Variants in FHIT observed in about 807,000 individuals in gnomAD.
FHIT encodes the protein fragile histidine triad diadenosine triphosphatase, also known as bis(5'-adenosyl)-triphosphatase.
FHIT carries 19 observed loss-of-function variants against 17.9 expected under a neutral mutation model. That is an observed-to-expected ratio of 1.06 (90% CI 0.74 to 1.56). The LOEUF (loss-of-function observed/expected upper bound fraction) is 1.56, where lower values mean the gene tolerates loss of function less well. FHIT is among the 40% of genes most tolerant of loss of function. FHIT has a pLI of 0.00. For synonymous variants in FHIT, 81 were observed against 69.7 expected (o/e 1.16, Z -0.81); for missense variants, 248 against 189.2 (o/e 1.31, Z -1.82).
chr3:61,241,906 A>G (rs2040382212), intron 1 of FHIT, among the ~76,000 whole-genome samples: 1 of 152,164 alleles, frequency 6.6e-6, no homozygotes, highest in Admixed American at 6.5e-5. Flanking sequence ...AACTGCAGTT[A>G]ACACTCTGGC....
At chr3:60,624,019 G>A (rs140594805) in intron 4 of FHIT, among the ~76,000 whole-genome samples, 2 of 152,166 alleles carry the variant, frequency 1.3e-5, no homozygotes, top group South Asian at 2.1e-4. Flanking sequence ...TAAGTACAAT[G>A]TTATAGTAAT....
intron 5 of FHIT, among the ~76,000 whole-genome samples, chr3:60,335,981 A>G (rs903117167): frequency 6.6e-6 from 1 of 152,192 alleles, no homozygotes; most frequent in Non-Finnish European, 1.5e-5. Flanking sequence ...TCTGACAGAA[A>G]ACATGAAAAA....
At chr3:59,908,019 A>G (rs1704667408) in intron 8 of FHIT, among the ~76,000 whole-genome samples, 4 of 152,200 alleles carry the variant, frequency 2.6e-5, no homozygotes, top group Middle Eastern at 3.2e-3. Flanking sequence ...CCACTTGGAT[A>G]ATCCAAGGTC....
chr3:59,965,255 G>C (rs981213782), intron 7 of FHIT, among the ~76,000 whole-genome samples: 6 of 152,002 alleles, frequency 3.9e-5, no homozygotes, highest in African/African-American at 1.4e-4. Flanking sequence ...TATATGGATG[G>C]AGGTTCATAG....
chr3:60,794,532 A>G (rs1472457126), intron 4 of FHIT, among the ~76,000 whole-genome samples: 1 of 152,226 alleles, frequency 6.6e-6, no homozygotes, highest in Non-Finnish European at 1.5e-5. Context: ...GTAGATAGAT[A>G]TATAGCTATT....
At chr3:60,771,768 A>T in intron 4 of FHIT, among the ~76,000 whole-genome samples, 1 of 152,214 alleles carries the variant, frequency 6.6e-6, no homozygotes, top group East Asian at 1.9e-4. Flanking sequence ...AAGCAAACTT[A>T]GTTTCACATC....
intron 4 of FHIT, among the ~76,000 whole-genome samples, chr3:60,614,807 TTG>T (rs2038894669): frequency 2.0e-5 from 1 of 51,062 alleles, no homozygotes; most frequent in South Asian, 8.2e-4. Context: ...ATTGCAAAAG[TTG>T]TTTTTTTTTT....
At chr3:60,953,311 G>T (rs782163297) in intron 3 of FHIT, among the ~76,000 whole-genome samples, 1 of 152,090 alleles carries the variant, frequency 6.6e-6, no homozygotes, top group Non-Finnish European at 1.5e-5. Context: ...ACGCAAGGAC[G>T]ATTTCCTTTC....
At chr3:60,475,478 G>A (rs1028256087) in intron 5 of FHIT, among the ~76,000 whole-genome samples, 2 of 152,176 alleles carry the variant, frequency 1.3e-5, no homozygotes, top group African/African-American at 2.4e-5. Flanking sequence ...TACTGGCAAA[G>A]CAAACAAGGA....
intron 5 of FHIT, among the ~76,000 whole-genome samples, chr3:60,119,611 G>A (rs1026097547): frequency 6.6e-6 from 1 of 152,132 alleles, no homozygotes; most frequent in Non-Finnish European, 1.5e-5. Context: ...TATGGGTACT[G>A]TCATCGTGTC....
chr3:61,053,857 C>G (rs1046280012), intron 2 of FHIT, among the ~76,000 whole-genome samples: 1 of 152,034 alleles, frequency 6.6e-6, no homozygotes, highest in Non-Finnish European at 1.5e-5. Context: ...TGGAGCGAAC[C>G]CAATCTAAAG....
intron 4 of FHIT, among the ~76,000 whole-genome samples, chr3:60,648,567 C>T (rs2856072): frequency 0.55 from 83,663 of 151,904 alleles, 23,759 homozygotes; most frequent in Non-Finnish European, 0.62. Flanking sequence ...AAAAACACCA[C>T]ATGCCAGGTA....
At chr3:60,995,187 G>C (rs1162509418) in intron 3 of FHIT, among the ~76,000 whole-genome samples, 2 of 152,046 alleles carry the variant, frequency 1.3e-5, no homozygotes, top group African/African-American at 4.8e-5. Flanking sequence ...CGGGCGTGGT[G>C]GCAGGCGCCT....
intron 1 of FHIT, among the ~76,000 whole-genome samples, chr3:61,222,164 A>G (rs1454466489): frequency 6.6e-6 from 1 of 152,198 alleles, no homozygotes; most frequent in African/African-American, 2.4e-5. Flanking sequence ...GCGGACAGGG[A>G]AACTCAGAGC....
At chr3:61,206,497 G>A (rs569554460) in intron 1 of FHIT, among the ~76,000 whole-genome samples, 1 of 152,182 alleles carries the variant, frequency 6.6e-6, no homozygotes, top group South Asian at 2.1e-4. Flanking sequence ...ATTTCATTGA[G>A]CAGTGGTTTG....
At chr3:60,271,779 A>G (rs1706877043) in intron 5 of FHIT, among the ~76,000 whole-genome samples, 1 of 152,198 alleles carries the variant, frequency 6.6e-6, no homozygotes, top group Non-Finnish European at 1.5e-5. Context: ...TTGCAGACTC[A>G]ACATGGCATA....
chr3:60,302,594 T>C (rs1413433234), intron 5 of FHIT, among the ~76,000 whole-genome samples: 3 of 152,114 alleles, frequency 2.0e-5, no homozygotes, highest in Non-Finnish European at 2.9e-5. Context: ...ACAAATATGG[T>C]TGATTAGTAT....
intron 4 of FHIT, among the ~76,000 whole-genome samples, chr3:60,598,026 G>A (rs977317944): frequency 3.3e-5 from 5 of 152,088 alleles, no homozygotes; most frequent in Non-Finnish European, 4.4e-5. Flanking sequence ...GCATTTGAGC[G>A]AAGGAGGTTT....
intron 4 of FHIT, among the ~76,000 whole-genome samples, chr3:60,766,381 T>C (rs1699856163): frequency 6.6e-6 from 1 of 152,176 alleles, no homozygotes. Context: ...CTGTCCGGCT[T>C]ACTGTCTCCA....
Sources: allele counts gnomAD v4.1 joint callset (sites outside exome capture counted in the v4.1 genomes callset), GRCh38; gene constraint gnomAD v4.1.1; transcripts MANE v1.5; gene names NCBI Gene and HGNC (gene_info 2026-07-23, HGNC 2026-07-21).